The following DENND2C variants were observed in gnomAD, a reference collection of about 807,000 sequenced individuals.
The protein encoded by DENND2C is DENN domain-containing protein 2C.
A neutral mutation model predicts 112.4 loss-of-function variants in DENND2C; 72 were observed. The ratio of observed to expected loss-of-function variants is 0.64; its 90% CI spans 0.53 to 0.78. The LOEUF (loss-of-function observed/expected upper bound fraction) is 0.78. DENND2C is among the 30% of genes least tolerant of loss of function. DENND2C has a pLI of 0.00. For synonymous variants in DENND2C, 329 were observed against 381.6 expected (o/e 0.86, Z 1.61); for missense variants, 992 against 1,113.8 (o/e 0.89, Z 1.56).
intron 1 of DENND2C, among the ~76,000 whole-genome samples, chr1:114,662,395 A>G: frequency 6.6e-6 from 1 of 152,198 alleles, no homozygotes; most frequent in East Asian, 1.9e-4. Flanking sequence ...GAATTTTAAC[A>G]TCCAAACAAA....
chr1:114,667,655 C>G (rs574366091), intron 1 of DENND2C, among the ~76,000 whole-genome samples: 4 of 152,202 alleles, frequency 2.6e-5, no homozygotes, highest in Non-Finnish European at 4.4e-5. Context: ...ATTTTTTCCT[C>G]TTTCTTTCCT....
chr1:114,649,067 G>A (rs1028014722), intron 2 of DENND2C, among the ~76,000 whole-genome samples: 3 of 151,602 alleles, frequency 2.0e-5, no homozygotes, highest in African/African-American at 7.3e-5. Context: ...TGATTCTCCT[G>A]CCTCAGCCTC....
chr1:114,605,004 C>G lies in DENND2C; in HGVS notation c.1585G>C (p.Asp529His). The G allele has an allele frequency of 4.3e-6, 7 of 1,613,498 alleles. No individual in the cohort carries two copies. The highest frequency in any genetic ancestry group is 5.9e-6 in the Non-Finnish European group (7 of 1,179,846). The change falls in exon 11 of 21, where the codon GAC (aspartate) becomes CAC (histidine). Residue 529 changes from aspartate to histidine, a missense_variant. By Grantham distance (81) the Asp-to-His change is moderately conservative. Transcript: ENST00000393274. ...KDDHGYKQSK[D>H]MEERLKVIPK... ...ATAACTTTAAGTCTCTCTTCCATGTCTTTGGACTGCTTATAGCCATGATCA... is the reference window on the plus strand; with the variant it reads ...ATAACTTTAAGTCTCTCTTCCATGTGTTTGGACTGCTTATAGCCATGATCA...
intron 1 of DENND2C, among the ~76,000 whole-genome samples, chr1:114,657,309 G>A (rs7555301): frequency 0.88 from 133,190 of 152,214 alleles, 58,769 homozygotes; most frequent in African/African-American, 0.96. Flanking sequence ...CTTTATTACT[G>A]TACCATCATA....
chr1:114,613,843 T>C (rs1655886636), intron 8 of DENND2C, among the ~76,000 whole-genome samples: 1 of 152,178 alleles, frequency 6.6e-6, no homozygotes. Flanking sequence ...TACCAGATTG[T>C]CCTCTTTTAA....
intron 8 of DENND2C, among the ~76,000 whole-genome samples, 177 bp downstream of exon 8, chr1:114,618,209 C>T (rs1323357466): frequency 1.3e-5 from 2 of 152,128 alleles, no homozygotes; most frequent in East Asian, 3.9e-4. Flanking sequence ...AGGATAGTCT[C>T]GATCTCCTGA....
chr1:114,606,396 G>T (rs1655657652), intron 10 of DENND2C, among the ~76,000 whole-genome samples: 1 of 152,134 alleles, frequency 6.6e-6, no homozygotes, highest in Non-Finnish European at 1.5e-5. Flanking sequence ...ATGTCTCTTA[G>T]ATTCCAGTAC....
chr1:114,625,181 T>C lies in DENND2C; in HGVS notation c.804A>G (p.Lys268=), dbSNP rs200160067. Residue 268 remains lysine, a splice_region_variant and synonymous_variant, in exon 4 of 21, where the codon AAA becomes AAG. Coordinates refer to ENST00000393274, the MANE Select transcript of DENND2C (RefSeq NM_001256404.2). ...KYGGKIRGRS[K]RKSFEFEDIQ... ...TTATCTGTAGGATAAAAACATACCTTTTAGATCTTCCTCTGATTTTTCCAC... is the reference window on the plus strand; with the variant it reads ...TTATCTGTAGGATAAAAACATACCTCTTAGATCTTCCTCTGATTTTTCCAC... The C allele has an allele frequency of 1.2e-6, 2 of 1,603,108 alleles. No individual in the cohort carries two copies. Among genetic ancestry groups the C allele is most frequent in the East Asian group, 4.5e-5 (2 of 44,818 alleles).
In DENND2C at chr1:114,583,323, T is replaced by A. The variant is rs1429290888; in HGVS notation, c.*2277A>T. On this transcript the variant is annotated 3_prime_UTR_variant, in exon 21 of 21. Transcript: ENST00000393274. ...GGTTGTAATGACAATACTGTACAAG[T>A]CAATAAACTGTATCACAATACAACT... is the stretch of plus-strand genomic sequence containing the variant. The A allele has an allele frequency of 6.6e-6, 1 of 152,154 alleles. No individual in the cohort carries two copies. Among genetic ancestry groups the A allele is most frequent in the Admixed American group, 6.5e-5 (1 of 15,270 alleles). The allele number at this position is 152,154 out of a possible 1,614,324, so 9.4% of individuals were successfully genotyped here.
At chr1:114,652,327 T>C (rs1398617682) in intron 2 of DENND2C, among the ~76,000 whole-genome samples, 2 of 152,208 alleles carry the variant, frequency 1.3e-5, no homozygotes, top group Non-Finnish European at 2.9e-5. Context: ...CATACATCTA[T>C]ATACAAGCCC....
chr1:114,636,027 A>G (rs1656647694), intron 3 of DENND2C, among the ~76,000 whole-genome samples: 1 of 150,248 alleles, frequency 6.7e-6, no homozygotes, highest in Admixed American at 6.7e-5. Flanking sequence ...AATAAATAAA[A>G]CATATAAAAA....
chr1:114,626,051 A>G lies in DENND2C; in HGVS notation c.-67T>C. On this transcript the variant is annotated 5_prime_UTR_variant, in exon 4 of 21. Transcript: ENST00000393274. The stretch of plus-strand genomic sequence containing the variant: ...GTTCCATTACAAGTAAATGTGAAAT[A>G]TTGTATTCTTTATCCTGTCAGAATC... The G allele has an allele frequency of 2.1e-6, 3 of 1,400,172 alleles. No homozygotes were observed. In the Admixed American group the frequency reaches 6.4e-5, roughly 30 times the overall value. The allele number at this position is 1,400,172 out of a possible 1,614,324, so 86.7% of individuals were successfully genotyped here. A position where few individuals can be genotyped will look rare whatever the true frequency, so the allele number is the denominator to read the frequency against.
intron 3 of DENND2C, among the ~76,000 whole-genome samples, chr1:114,632,455 A>T (rs1278918117): frequency 6.6e-6 from 1 of 152,204 alleles, no homozygotes. Context: ...CCAGAAAACA[A>T]GGAAAATTTT....
intron 18 of DENND2C, among the ~76,000 whole-genome samples, chr1:114,592,175 G>A (rs922595806): frequency 6.6e-6 from 1 of 151,996 alleles, no homozygotes; most frequent in Admixed American, 6.6e-5. Context: ...GTGAGCCACC[G>A]TGCCCGGCCC....
chr1:114,638,991 A>AG (rs928942499), intron 3 of DENND2C, among the ~76,000 whole-genome samples: 7 of 152,156 alleles, frequency 4.6e-5, no homozygotes, highest in Non-Finnish European at 8.8e-5. Flanking sequence ...ACACCTAAAA[A>AG]GTCAAACAAC....
intron 3 of DENND2C, among the ~76,000 whole-genome samples, chr1:114,633,113 T>C (rs1158757336): frequency 3.3e-5 from 5 of 152,168 alleles, no homozygotes; most frequent in East Asian, 1.9e-4. Flanking sequence ...AAATTGTGTA[T>C]GGTGTTGTAA....
chr1:114,655,634 C>T lies in DENND2C; in HGVS notation c.-573-873G>A, dbSNP rs373205727. On this transcript the variant is annotated intron_variant, in intron 1 of 20. Coordinates refer to ENST00000393274, the MANE Select transcript of DENND2C (RefSeq NM_001256404.2). ...GAGTAGCTGGGATTACAGGCGCCCA[C>T]CACCATGCCCAGCTAATCTTTGTAT... Among the ~76,000 whole-genome samples, 10 of 152,034 alleles carry T rather than the reference C, an allele frequency of 6.6e-5. No homozygotes were observed. In the South Asian group the frequency reaches 1.9e-3, roughly 29 times the overall value.
At chr1:114,601,998 C>T in intron 12 of DENND2C, 127 bp downstream of exon 12, 1 of 867,774 alleles carries the variant, frequency 1.2e-6, no homozygotes, top group African/African-American at 1.7e-5. Context: ...AAAGCTAATA[C>T]AGCTTCCTTA....
At chr1:114,613,565 A>T (rs1250468248) in intron 8 of DENND2C, among the ~76,000 whole-genome samples, 1 of 152,218 alleles carries the variant, frequency 6.6e-6, no homozygotes, top group African/African-American at 2.4e-5. Flanking sequence ...AGAGAAAGAA[A>T]TAAACACTGT....
Sources: allele counts gnomAD v4.1 joint callset (sites outside exome capture counted in the v4.1 genomes callset), GRCh38; gene constraint gnomAD v4.1.1; transcripts MANE v1.5; gene names NCBI Gene and HGNC (gene_info 2026-07-23, HGNC 2026-07-21).